The following ZNF549 variants were observed in gnomAD, a reference collection of about 807,000 sequenced individuals.
ZNF549 encodes zinc finger protein 549.
ZNF549 carries 11 observed loss-of-function variants against 11.1 expected under a neutral mutation model. The observed-to-expected ratio is 0.99, with a 90% confidence interval of 0.62 to 1.64. The LOEUF (loss-of-function observed/expected upper bound fraction) is 1.64. ZNF549 is among the 40% of genes most tolerant of loss of function. The probability of loss-of-function intolerance (pLI) is 0.00; values close to 1 mark genes in which losing one functional copy is unlikely to be tolerated. For missense variants in ZNF549, 748 were observed against 765.1 expected (o/e 0.98, Z 0.26); for synonymous variants, 266 against 269.1 (o/e 0.99, Z 0.11).
At chr19:57,531,827 G>A (rs535148890) in intron 2 of ZNF549, among the ~76,000 whole-genome samples, 1 of 152,298 alleles carries the variant, frequency 6.6e-6, no homozygotes, top group Non-Finnish European at 1.5e-5. Context: ...ACTACTCAGA[G>A]AAGCACGTCA....
At chr19:57,530,693 CAG>C (rs1312178248) in intron 1 of ZNF549, among the ~76,000 whole-genome samples, 1 of 151,988 alleles carries the variant, frequency 6.6e-6, no homozygotes, top group Non-Finnish European at 1.5e-5. Context: ...GTATCAGAAT[CAG>C]AGAATGGTGT....
chr19:57,531,807 A>T (rs1318536062), intron 2 of ZNF549, among the ~76,000 whole-genome samples: 1 of 152,158 alleles, frequency 6.6e-6, no homozygotes, highest in African/African-American at 2.4e-5. Context: ...ACAGTGTAAG[A>T]TTTTATCACA....
chr19:57,535,262 C>G lies in ZNF549; in HGVS notation c.191C>G (p.Ala64Gly). The change falls in exon 3 of 4, where the codon GCC (alanine) becomes GGC (glycine). Residue 64 changes from alanine (A) to glycine (G), a missense_variant. By Grantham distance (60) the Ala-to-Gly change is moderately conservative. Transcript: ENST00000376233. ...ATGCTGGAGAACTTTTCGCTTATGGCCTCAGTAGGTAAGATCTCTTAAAAC... is the reference window on the plus strand; with the variant it reads ...ATGCTGGAGAACTTTTCGCTTATGGGCTCAGTAGGTAAGATCTCTTAAAAC... ...DVMLENFSLM[A>G]SVGCLHGIEA... is the part of the protein sequence containing the mutation. The G allele has an allele frequency of 6.2e-7, 1 of 1,613,762 alleles. No individual in the cohort carries two copies.
rs904849354 is a variant in ZNF549 at position 57,540,467 on chromosome 19, A to G, written c.*1540A>G. The G allele has an allele frequency of 1.3e-5, 2 of 152,216 alleles. No homozygotes were observed. The highest frequency in any genetic ancestry group is 4.8e-5 in the African/African-American group (2 of 41,434). 9.4% of individuals were successfully genotyped at this position (152,216 alleles called of 1,614,324 possible). ...TCAGTAAGTGTCTTGTCTTAGAAATATGTGTGTATAGGCTGGGTGCGGTGG... is the reference window on the plus strand; with the variant it reads ...TCAGTAAGTGTCTTGTCTTAGAAATGTGTGTGTATAGGCTGGGTGCGGTGG... On this transcript the variant is annotated 3_prime_UTR_variant, in exon 4 of 4. Coordinates refer to ENST00000376233, the MANE Select transcript of ZNF549 (RefSeq NM_001199295.2).
rs905958079 is a variant in ZNF549, at chr19:57,539,931, C to G, written c.*1004C>G. The G allele has an allele frequency of 6.6e-6, 1 of 152,234 alleles. No individual in the cohort carries two copies. The highest frequency in any genetic ancestry group is 1.5e-5 in the Non-Finnish European group (1 of 68,056). The allele number at this position is 152,234 out of a possible 1,614,324, so 9.4% of individuals were successfully genotyped here. ...CATCCAAAGGTGCATCCAGATATGT[C>G]TGTGTTACTATGGCTTCATGGTTTG... is the stretch of plus-strand genomic sequence containing the variant. On this transcript the variant is annotated 3_prime_UTR_variant, in exon 4 of 4. Coordinates refer to ENST00000376233, the MANE Select transcript of ZNF549 (RefSeq NM_001199295.2).
intron 2 of ZNF549, among the ~76,000 whole-genome samples, chr19:57,534,683 C>T (rs1368008124): frequency 6.6e-6 from 1 of 152,166 alleles, no homozygotes; most frequent in Non-Finnish European, 1.5e-5. Context: ...CTGAGACTGC[C>T]TCTGACTTGG....
chr19:57,530,489 C>T (rs189407737), intron 1 of ZNF549, among the ~76,000 whole-genome samples: 25 of 152,160 alleles, frequency 1.6e-4, no homozygotes, highest in Middle Eastern at 3.4e-3. Context: ...AATTATTGAA[C>T]GTAAGGAGAG....
At position 57,527,540 on chromosome 19, in the gene ZNF549, C is replaced by G. The variant is rs111934070; in HGVS notation, c.-34C>G. 5,002 of 1,612,698 alleles carry G rather than the reference C, an allele frequency of 3.1e-3. 129 individuals are homozygous for G. The African/African-American group carries it at 0.053, about 17-fold the overall frequency. ...CACGCCGGATCCCGGGCTTTACCGC[C>G]CGCCTTTCCAGGCCCCGCCCCGCCT... is the stretch of plus-strand genomic sequence containing the variant. On this transcript the variant is annotated 5_prime_UTR_variant, in exon 1 of 4. Coordinates refer to ENST00000376233, the MANE Select transcript of ZNF549 (RefSeq NM_001199295.2).
At chr19:57,534,846 T>C (rs1398773140) in intron 2 of ZNF549, among the ~76,000 whole-genome samples, 8 of 152,318 alleles carry the variant, frequency 5.3e-5, no homozygotes, top group Non-Finnish European at 7.3e-5. Flanking sequence ...GCAGTCACGA[T>C]CTGGAGATGT....
At chr19:57,528,803 C>T (rs112656982) in intron 1 of ZNF549, among the ~76,000 whole-genome samples, 1,801 of 152,304 alleles carry the variant, frequency 0.012, 43 homozygotes, top group African/African-American at 0.041. Context: ...ATAGATTTAA[C>T]AAATTAAATT....
At chr19:57,535,650 C>T (rs903886982) in intron 3 of ZNF549, among the ~76,000 whole-genome samples, 4 of 152,140 alleles carry the variant, frequency 2.6e-5, no homozygotes, top group African/African-American at 9.7e-5. Context: ...TACATGGTTG[C>T]TATTTGTAGG....
chr19:57,528,858 G>A (rs2089891228), intron 1 of ZNF549, among the ~76,000 whole-genome samples: 1 of 152,214 alleles, frequency 6.6e-6, no homozygotes, highest in Non-Finnish European at 1.5e-5. Context: ...CTATAACTCT[G>A]TGCTCTAATA....
At position 57,537,254 on chromosome 19, in the gene ZNF549, T is replaced by C; in HGVS notation, c.250T>C (p.Ser84Pro). 1 of 1,614,192 alleles carries C rather than the reference T, an allele frequency of 6.2e-7. No homozygotes were observed. The highest frequency in any genetic ancestry group is 8.5e-7 in the Non-Finnish European group (1 of 1,180,024). ...AEEAPSEQTLSAQGVSQARTP... is the reference protein window; with the variant it reads ...AEEAPSEQTLPAQGVSQARTP... ...GGAGGCCCCTTCTGAGCAGACTCTTTCTGCGCAAGGAGTGTCACAGGCCAG... is the reference window on the plus strand; with the variant it reads ...GGAGGCCCCTTCTGAGCAGACTCTTCCTGCGCAAGGAGTGTCACAGGCCAG... Residue 84 changes from serine (S) to proline (P), a missense_variant, in exon 4 of 4, where the codon TCT becomes CCT. Ser to Pro is a moderately conservative substitution (Grantham distance 74). Transcript: ENST00000376233.
Position 57,537,962 on chromosome 19 carries a change from G to T in ZNF549, c.958G>T (p.Val320Leu). The change falls in exon 4 of 4, where the codon GTG becomes TTG. Residue 320 changes from valine to leucine, a missense_variant. Physicochemically the swap from Val to Leu is conservative, Grantham distance 32. Coordinates refer to ENST00000376233, the MANE Select transcript of ZNF549 (RefSeq NM_001199295.2). ...GKSLSSKYSL[V>L]EHQRTHNGEK... ...ATCCTTGAGCTCCAAATACTCACTTGTGGAACACCAGAGAACCCATAATGG... is the reference window on the plus strand; with the variant it reads ...ATCCTTGAGCTCCAAATACTCACTTTTGGAACACCAGAGAACCCATAATGG... The T allele has an allele frequency of 1.2e-6, 2 of 1,614,034 alleles. No homozygotes were observed. The highest frequency in any genetic ancestry group is 1.7e-6 in the Non-Finnish European group (2 of 1,179,990).
At chr19:57,529,013 G>C (rs945233799) in intron 1 of ZNF549, among the ~76,000 whole-genome samples, 1 of 152,140 alleles carries the variant, frequency 6.6e-6, no homozygotes, top group Non-Finnish European at 1.5e-5. Flanking sequence ...GGTCCCATAA[G>C]ATTATGATAC....
In ZNF549 at chr19:57,539,100, A is replaced by C. The variant is rs907162278; in HGVS notation, c.*173A>C. On this transcript the variant is annotated 3_prime_UTR_variant, in exon 4 of 4. Transcript: ENST00000376233. Reference sequence around the variant, plus strand: ...TTTCTAGAGATTACTTGTACTTTCTAATCTGCCCAGTGTTACAACAGACAC... The same window carrying C: ...TTTCTAGAGATTACTTGTACTTTCTCATCTGCCCAGTGTTACAACAGACAC... 4.3e-6 allele frequency: 3 copies of C among 700,952 alleles called. No individual in the cohort carries two copies. Among genetic ancestry groups the C allele is most frequent in the Non-Finnish European group, 4.6e-6 (2 of 432,550 alleles). 43.4% of individuals were successfully genotyped at this position (700,952 alleles called of 1,614,324 possible).
intron 3 of ZNF549, chr19:57,535,487 GACTCTTGTAACTT>G (rs2089920608): frequency 3.6e-6 from 2 of 554,848 alleles, no homozygotes; most frequent in Non-Finnish European, 6.0e-6. Context: ...TTTGGGTTCA[GACTCTTGTAACTT>G]GCCCAACCGA....
In ZNF549 at chr19:57,538,064, A is replaced by C. The variant is rs1472489049; in HGVS notation, c.1060A>C (p.Ile354Leu). 7 of 1,614,022 alleles carry C rather than the reference A, an allele frequency of 4.3e-6. No individual in the cohort carries two copies. The highest frequency in any genetic ancestry group is 4.2e-6 in the Non-Finnish European group (5 of 1,179,982). Residue 354 changes from isoleucine to leucine, a missense_variant, in exon 4 of 4, where the codon ATC becomes CTC. Coordinates refer to ENST00000376233, the MANE Select transcript of ZNF549 (RefSeq NM_001199295.2). The stretch of plus-strand genomic sequence containing the variant: ...AACATTTGTTGGCCATCAGCAGAGA[A>C]TCCACACTGGAGAGAGGCCTTATGT... ...KQTFVGHQQR[I>L]HTGERPYVCM...
chr19:57,537,185 T>C lies in ZNF549; in HGVS notation c.200-19T>C, dbSNP rs371787643. The C allele has an allele frequency of 1.3e-6, 2 of 1,597,960 alleles. No homozygotes were observed. The highest frequency in any genetic ancestry group is 2.7e-5 in the African/African-American group (2 of 74,282). On this transcript the variant is annotated intron_variant, in intron 3 of 3. Transcript: ENST00000376233. ...TACCAAAGTCTGCATATACTTCACT[T>C]GCATTTTTATGCTTTTAGGTTGTTT... is the stretch of plus-strand genomic sequence containing the variant.
Sources: gnomAD v4.1 joint callset for allele counts (sites outside exome capture counted in the v4.1 genomes callset) on GRCh38, gnomAD v4.1.1 for gene constraint, MANE v1.5 for transcripts, NCBI Gene and HGNC (gene_info 2026-07-23, HGNC 2026-07-21) for gene names.